The following CDC42 variants were observed in gnomAD, a reference collection of about 807,000 sequenced individuals.
The protein encoded by CDC42 is cell division control protein 42 homolog.
Under a neutral mutation model 20.8 loss-of-function variants are expected in CDC42, and 1 was observed. The observed-to-expected ratio is 0.05, with a 90% confidence interval of 0.02 to 0.23. The LOEUF (loss-of-function observed/expected upper bound fraction) is 0.23, where lower values mean the gene tolerates loss of function less well. Among genes scored for constraint, CDC42 ranks in the 10% least tolerant of loss-of-function variants. The pLI, the probability that CDC42 is intolerant of heterozygous loss-of-function variation, is 1.00. For synonymous variants in CDC42, 72 were observed against 84.8 expected, an observed-to-expected ratio of 0.85 and a Z score of 0.83; for missense variants, 49 against 227.9, an observed-to-expected ratio of 0.21 and a Z score of 5.05.
rs778012112 is a variant in CDC42 at position 22,093,893 on chromosome 1, A to C, written c.*2376A>C. Among the ~76,000 whole-genome samples the C allele has an allele frequency of 1.3e-5, 2 of 152,210 alleles. No individual in the cohort carries two copies. Among genetic ancestry groups the C allele is most frequent in the Non-Finnish European group, 2.9e-5 (2 of 68,038 alleles). Reference sequence around the variant, plus strand: ...CTCTAGAAGTAGTCATTGGATGGGTATATTATTTTATAAATGAGTAAGTGA... The same window carrying C: ...CTCTAGAAGTAGTCATTGGATGGGTCTATTATTTTATAAATGAGTAAGTGA... On this transcript the variant is annotated 3_prime_UTR_variant, in exon 6 of 6. Coordinates refer to ENST00000656825, the MANE Select transcript of CDC42 (RefSeq NM_001791.4).
intron 1 of CDC42, among the ~76,000 whole-genome samples, chr1:22,061,524 GTTTCTTTCT>G (rs1468914556): frequency 1.4e-3 from 58 of 40,646 alleles, no homozygotes; most frequent in African/African-American, 3.9e-3. Context: ...TTAACTTCAT[GTTTCTTTCT>G]TTTTTTTTTT....
intron 1 of CDC42, among the ~76,000 whole-genome samples, chr1:22,055,588 C>G (rs1422332626): frequency 6.6e-6 from 1 of 151,444 alleles, no homozygotes; most frequent in Non-Finnish European, 1.5e-5. Flanking sequence ...CTCCCAGGCT[C>G]AACTGATCCT....
chr1:22,090,091 G>C (rs555165468), intron 5 of CDC42: 5 of 1,583,438 alleles, frequency 3.2e-6, no homozygotes, highest in East Asian at 4.5e-5. Context: ...TAGAAAGATC[G>C]TTTAAAAACA....
rs986515179 is a variant in CDC42, at chr1:22,094,548, C to T, written c.*3031C>T. On this transcript the variant is annotated 3_prime_UTR_variant, in exon 6 of 6. Coordinates refer to ENST00000656825, the MANE Select transcript of CDC42 (RefSeq NM_001791.4). ...TCCTGACCTCGTGATCCGCCCGCCT[C>T]GGCCTCCCAAAGTGCTGGGATTACA... 3.4e-5 allele frequency among the ~76,000 whole-genome samples: 5 copies of T among 148,310 alleles called. No homozygotes were observed. Among genetic ancestry groups the T allele is most frequent in the African/African-American group, 5.2e-5 (2 of 38,170 alleles).
At chr1:22,084,526 T>G (rs2473316) in intron 3 of CDC42, among the ~76,000 whole-genome samples, 115,389 of 150,804 alleles carry the variant, frequency 0.77, 44,236 homozygotes, top group South Asian at 0.88. Context: ...ATTTTTTTTT[T>G]GGGGTAAGTT....
At chr1:22,089,117 C>T (rs1645691010) in intron 5 of CDC42, among the ~76,000 whole-genome samples, 1 of 152,132 alleles carries the variant, frequency 6.6e-6, no homozygotes. Flanking sequence ...TGTGAAACAA[C>T]CTTGGGTGGT....
At chr1:22,061,029 G>A (rs570421851) in intron 1 of CDC42, among the ~76,000 whole-genome samples, 2 of 152,260 alleles carry the variant, frequency 1.3e-5, no homozygotes, top group South Asian at 4.1e-4. Context: ...ATGAGGGTAG[G>A]GGATAATTTT....
intron 1 of CDC42, among the ~76,000 whole-genome samples, chr1:22,073,863 C>T (rs1645519551): frequency 6.6e-6 from 1 of 151,400 alleles, no homozygotes; most frequent in African/African-American, 2.4e-5. Flanking sequence ...GTTTCCCAGG[C>T]TGGTCCCAAA....
intron 5 of CDC42, chr1:22,090,812 T>C (rs1250392154): frequency 4.1e-6 from 4 of 984,820 alleles, no homozygotes; most frequent in Non-Finnish European, 4.8e-6. Context: ...TATAAATGCC[T>C]GATGAAGCTT....
At chr1:22,062,730 TAAAAAAAAAAAAAAAAA>T (rs531472151) in intron 1 of CDC42, among the ~76,000 whole-genome samples, 20 of 69,426 alleles carry the variant, frequency 2.9e-4, no homozygotes, top group African/African-American at 8.3e-4. Context: ...TGGCTCTATT[TAAAAAAAAAAAAAAAAA>T]AAAAAAAAAA....
chr1:22,063,978 C>T (rs946975050), intron 1 of CDC42: 1 of 152,168 alleles, frequency 6.6e-6, no homozygotes, highest in Admixed American at 6.6e-5. Context: ...CCTTGGCCTC[C>T]CAAAGTGCTG....
At chr1:22,056,980 C>T (rs1055024728) in intron 1 of CDC42, among the ~76,000 whole-genome samples, 5 of 152,210 alleles carry the variant, frequency 3.3e-5, no homozygotes, top group African/African-American at 1.2e-4. Flanking sequence ...AAGCCATTGC[C>T]ATTTGCCATT....
At position 22,094,294 on chromosome 1, in the gene CDC42, A is replaced by ATTTTTTTTTTTTTTTTTTTTTTTTTTTTT. The variant is rs747002932; in HGVS notation, c.*2798_*2799insTTTTTTTTTTTTTTTTTTTTTTTTTTTTT. Reference sequence around the variant, plus strand: ...GTTTTACTGAACATCCTAGAAATAGATTTTTTTTTTTTTTTTTTTTTGAGA... The same window carrying ATTTTTTTTTTTTTTTTTTTTTTTTTTTTT: ...GTTTTACTGAACATCCTAGAAATAGATTTTTTTTTTTTTTTTTTTTTTTTTTTTTTTTTTTTTTTTTTTTTTTTTTGAGA... On this transcript the variant is annotated 3_prime_UTR_variant, in exon 6 of 6. Transcript: ENST00000656825. 7.8e-5 allele frequency among the ~76,000 whole-genome samples: 3 copies of ATTTTTTTTTTTTTTTTTTTTTTTTTTTTT among 38,302 alleles called. 1 individual carries two copies. The highest frequency in any genetic ancestry group is 2.4e-4 in the African/African-American group (2 of 8,200). The allele number at this position is 38,302 out of a possible 152,430, so 25.1% of individuals were successfully genotyped here.
At chr1:22,084,360 T>TTTA (rs1553195863) in intron 3 of CDC42, among the ~76,000 whole-genome samples, 11 of 137,852 alleles carry the variant, frequency 8.0e-5, no homozygotes, top group Non-Finnish European at 1.2e-4. Flanking sequence ...TTTTTTTTTT[T>TTTA]AATTGTAGCC....
At chr1:22,074,639 T>G (rs1557900361) in intron 1 of CDC42, among the ~76,000 whole-genome samples, 1 of 152,166 alleles carries the variant, frequency 6.6e-6, no homozygotes, top group Non-Finnish European at 1.5e-5. Flanking sequence ...AGGCTGGTCT[T>G]GAACTCCTCA....
intron 1 of CDC42, among the ~76,000 whole-genome samples, chr1:22,061,235 C>T (rs1269537001): frequency 1.3e-5 from 2 of 151,806 alleles, no homozygotes; most frequent in African/African-American, 2.4e-5. Context: ...GGTGAAACCC[C>T]GTCTCTACTA....
At position 22,098,981 on chromosome 1, in the gene CDC42, ACTC is replaced by A. The variant is rs1232383594; in HGVS notation, c.*7467_*7469del. Among the ~76,000 whole-genome samples the A allele has an allele frequency of 6.6e-6, 1 of 152,062 alleles. No individual in the cohort carries two copies. Among genetic ancestry groups the A allele is most frequent in the East Asian group, 1.9e-4 (1 of 5,178 alleles). ...GCCATTTTACCCAGGCTGGTCTCGA[ACTC>A]CTGAGCTGATCCTCCCACCTCGGCC... On this transcript the variant is annotated 3_prime_UTR_variant, in exon 6 of 6. Coordinates refer to ENST00000656825, the MANE Select transcript of CDC42 (RefSeq NM_001791.4).
rs972634362 is a variant in CDC42 at position 22,093,829 on chromosome 1, C to G, written c.*2312C>G. On this transcript the variant is annotated 3_prime_UTR_variant, in exon 6 of 6. Transcript: ENST00000656825. ...GGGGCGTATAGGTCCTTGACTATTG[C>G]TATATCTTTGTCCTAAAGCAATGCT... 1.2e-4 allele frequency among the ~76,000 whole-genome samples: 18 copies of G among 152,162 alleles called. No individual in the cohort carries two copies. The highest frequency in any genetic ancestry group is 4.3e-4 in the African/African-American group (18 of 41,420).
chr1:22,089,515 A>G (rs1176254284), intron 5 of CDC42, among the ~76,000 whole-genome samples: 1 of 152,186 alleles, frequency 6.6e-6, no homozygotes, highest in Non-Finnish European at 1.5e-5. Flanking sequence ...TAAATGTCTG[A>G]ACCTTTCCGT....
Sources: gnomAD v4.1 joint callset for allele counts (sites outside exome capture counted in the v4.1 genomes callset) on GRCh38, gnomAD v4.1.1 for gene constraint, MANE v1.5 for transcripts, NCBI Gene and HGNC (gene_info 2026-07-23, HGNC 2026-07-21) for gene names.